ASCC3: variants seen among roughly 807,000 people sequenced by gnomAD.
The protein encoded by ASCC3 is ASC-1 complex subunit P200.
In ASCC3, 158 loss-of-function variants were observed where a neutral mutation model predicts 256.3. The ratio of observed to expected loss-of-function variants is 0.62; its 90% CI spans 0.54 to 0.70. The LOEUF is 0.70. Ranked by LOEUF, ASCC3 falls within the 30% of genes least tolerant of loss-of-function variation. ASCC3 has a pLI of 0.00. For missense variants in ASCC3, 2,259 were observed against 2,626.0 expected (o/e 0.86, Z 3.05); for synonymous variants, 948 against 883.4 (o/e 1.07, Z -1.30).
chr6:100,516,059 T>C, intron 39 of ASCC3, 121 bp downstream of exon 39: 1 of 1,185,896 alleles, frequency 8.4e-7, no homozygotes, highest in Middle Eastern at 2.6e-4. Flanking sequence ...TAGTAGTAAA[T>C]GGCAGAGACA....
At chr6:100,768,890 A>G (rs1582835018) in intron 8 of ASCC3, among the ~76,000 whole-genome samples, 1 of 152,176 alleles carries the variant, frequency 6.6e-6, no homozygotes, top group African/African-American at 2.4e-5. Flanking sequence ...CAATGGAATT[A>G]TATCAGGTAC....
At chr6:100,546,211 GAAAAC>G (rs1410303272) in intron 36 of ASCC3, among the ~76,000 whole-genome samples, 1 of 152,038 alleles carries the variant, frequency 6.6e-6, no homozygotes, top group Admixed American at 6.6e-5. Context: ...CCTGGATATT[GAAAAC>G]AAAACAAAGA....
chr6:100,728,682 T>C (rs1562255295), intron 10 of ASCC3, among the ~76,000 whole-genome samples: 3 of 152,098 alleles, frequency 2.0e-5, no homozygotes, highest in South Asian at 2.1e-4. Flanking sequence ...TAAAAATAAA[T>C]AAACTATTAA....
intron 16 of ASCC3, among the ~76,000 whole-genome samples, chr6:100,659,897 A>G (rs562827423): frequency 2.7e-4 from 41 of 151,786 alleles, no homozygotes; most frequent in African/African-American, 9.4e-4. Flanking sequence ...CACCTTACAT[A>G]CTACATACAT....
chr6:100,839,218 G>C (rs1312627893), intron 4 of ASCC3, among the ~76,000 whole-genome samples: 1 of 152,018 alleles, frequency 6.6e-6, no homozygotes, highest in African/African-American at 2.4e-5. Context: ...CAAAAGGAGA[G>C]ACTTAAGAAA....
chr6:100,603,582 A>AT (rs976011317), intron 33 of ASCC3, among the ~76,000 whole-genome samples: 44 of 152,168 alleles, frequency 2.9e-4, no homozygotes, highest in East Asian at 1.9e-4. Flanking sequence ...TTTGATATAG[A>AT]TTTTTTGTAG....
intron 36 of ASCC3, among the ~76,000 whole-genome samples, chr6:100,569,444 C>T (rs1008397890): frequency 6.6e-5 from 10 of 151,854 alleles, no homozygotes; most frequent in East Asian, 3.9e-4. Flanking sequence ...TGCAGTGGCG[C>T]AATCTTGGCT....
intron 36 of ASCC3, among the ~76,000 whole-genome samples, chr6:100,585,401 T>C (rs1364780031): frequency 2.0e-5 from 3 of 152,228 alleles, no homozygotes; most frequent in African/African-American, 7.2e-5. Flanking sequence ...ATTCTTCACG[T>C]AGTTCTCGAG....
intron 10 of ASCC3, among the ~76,000 whole-genome samples, chr6:100,754,913 T>C (rs564980849): frequency 1.3e-5 from 2 of 152,278 alleles, no homozygotes; most frequent in East Asian, 3.9e-4. Flanking sequence ...TCTTGCCTGC[T>C]GCCATGTAAG....
intron 36 of ASCC3, among the ~76,000 whole-genome samples, chr6:100,586,789 C>CA (rs565292570): frequency 1.2e-3 from 187 of 152,206 alleles, no homozygotes; most frequent in African/African-American, 4.4e-3. Flanking sequence ...GTTATTAATA[C>CA]CCCCAAATCC....
At chr6:100,774,981 G>T (rs1263425371) in intron 8 of ASCC3, among the ~76,000 whole-genome samples, 3 of 152,148 alleles carry the variant, frequency 2.0e-5, no homozygotes, top group African/African-American at 7.2e-5. Flanking sequence ...GTGAAAAGGA[G>T]TAGCAAAGAT....
intron 2 of ASCC3, among the ~76,000 whole-genome samples, chr6:100,865,073 T>C (rs1773414804): frequency 6.6e-6 from 1 of 152,186 alleles, no homozygotes; most frequent in South Asian, 2.1e-4. Context: ...TGCCTCCATT[T>C]TTTAATTTCA....
chr6:100,686,436 T>C (rs1398977577), intron 13 of ASCC3, among the ~76,000 whole-genome samples: 1 of 152,188 alleles, frequency 6.6e-6, no homozygotes, highest in Non-Finnish European at 1.5e-5. Context: ...TTTAAACAAC[T>C]ACAAATTCAC....
intron 3 of ASCC3, among the ~76,000 whole-genome samples, chr6:100,849,510 C>T (rs986182824): frequency 1.6e-4 from 24 of 152,096 alleles, no homozygotes; most frequent in Admixed American, 1.4e-3. Context: ...ACATTTAATA[C>T]CATCAAGGAT....
At chr6:100,671,896 T>C (rs1776767685) in intron 14 of ASCC3, among the ~76,000 whole-genome samples, 1 of 152,082 alleles carries the variant, frequency 6.6e-6, no homozygotes, top group African/African-American at 2.4e-5. Flanking sequence ...GTATTACATC[T>C]GGTCCTTGCC....
At chr6:100,614,239 A>G (rs559965120) in intron 30 of ASCC3, among the ~76,000 whole-genome samples, 4 of 152,290 alleles carry the variant, frequency 2.6e-5, no homozygotes, top group African/African-American at 9.6e-5. Context: ...TGAAAGGGAC[A>G]TTATAAAATT....
At chr6:100,842,703 G>A (rs143258419) in intron 4 of ASCC3, among the ~76,000 whole-genome samples, 12 of 152,224 alleles carry the variant, frequency 7.9e-5, no homozygotes, top group African/African-American at 2.9e-4. Context: ...GGGTGCAGTG[G>A]CTCATGCCTG....
chr6:100,707,235 T>C (rs913924656), intron 13 of ASCC3, among the ~76,000 whole-genome samples: 1 of 152,092 alleles, frequency 6.6e-6, no homozygotes, highest in African/African-American at 2.4e-5. Context: ...AAGGACAACA[T>C]TGTAGAAATC....
At chr6:100,746,667 T>C (rs572256414) in intron 10 of ASCC3, among the ~76,000 whole-genome samples, 2 of 152,202 alleles carry the variant, frequency 1.3e-5, no homozygotes, top group South Asian at 2.1e-4. Flanking sequence ...TAGTAATAGG[T>C]GGAAAAAGTT....
Sources: gnomAD v4.1 joint callset for allele counts (sites outside exome capture counted in the v4.1 genomes callset) on GRCh38, gnomAD v4.1.1 for gene constraint, MANE v1.5 for transcripts, NCBI Gene and HGNC (gene_info 2026-07-23, HGNC 2026-07-21) for gene names.